Variants in CNTN4 observed in about 807,000 individuals in gnomAD.
CNTN4 encodes the protein contactin-4.
A neutral mutation model predicts 122.5 loss-of-function variants in CNTN4; 77 were observed. That is an observed-to-expected ratio of 0.63 (90% CI 0.52 to 0.76). The LOEUF (loss-of-function observed/expected upper bound fraction) is 0.76. Ranked by LOEUF, CNTN4 falls within the 30% of genes least tolerant of loss-of-function variation. CNTN4 has a pLI of 0.00. For missense variants in CNTN4, 1,256 were observed against 1,259.1 expected, an observed-to-expected ratio of 1.00 and a Z score of 0.04; for synonymous variants, 512 against 447.0, an observed-to-expected ratio of 1.15 and a Z score of -1.83.
intron 13 of CNTN4, among the ~76,000 whole-genome samples, chr3:2,971,368 C>CTATCTATA (rs1553711412): frequency 2.2e-5 from 3 of 139,476 alleles, no homozygotes; most frequent in Admixed American, 7.0e-5. Flanking sequence ...ATCTATCTAT[C>CTATCTATA]TATATATATA....
intron 2 of CNTN4, among the ~76,000 whole-genome samples, chr3:2,110,904 G>T (rs2032900872): frequency 6.6e-6 from 1 of 152,122 alleles, no homozygotes; most frequent in South Asian, 2.1e-4. Context: ...ATGTATTTGT[G>T]ATATGCTTGG....
chr3:2,901,427 A>C (rs769904064), intron 11 of CNTN4, among the ~76,000 whole-genome samples: 2 of 152,098 alleles, frequency 1.3e-5, no homozygotes, highest in Non-Finnish European at 2.9e-5. Flanking sequence ...AATGGCCCTC[A>C]CATGAATTTA....
At chr3:2,293,988 C>T (rs2150016434) in intron 2 of CNTN4, among the ~76,000 whole-genome samples, 1 of 152,280 alleles carries the variant, frequency 6.6e-6, no homozygotes, top group East Asian at 1.9e-4. Flanking sequence ...CATGGATGGT[C>T]AGCTCTGTTT....
At chr3:2,509,119 C>CT (rs1408529255) in intron 3 of CNTN4, among the ~76,000 whole-genome samples, 12 of 152,208 alleles carry the variant, frequency 7.9e-5, no homozygotes, top group Non-Finnish European at 1.5e-5. Flanking sequence ...ACTATTTCGG[C>CT]TGTACCACTG....
At chr3:2,275,003 T>C (rs568242068) in intron 2 of CNTN4, among the ~76,000 whole-genome samples, 7 of 152,322 alleles carry the variant, frequency 4.6e-5, no homozygotes, top group Admixed American at 1.3e-4. Flanking sequence ...TCTGACTGGA[T>C]AAACTACTCC....
At chr3:2,922,726 C>T (rs959832592) in intron 12 of CNTN4, among the ~76,000 whole-genome samples, 8 of 148,286 alleles carry the variant, frequency 5.4e-5, no homozygotes, top group African/African-American at 2.0e-4. Flanking sequence ...GCTTCTTATG[C>T]CTCAGCCTCC....
chr3:3,039,518 T>A (rs1325027402), intron 19 of CNTN4: 3 of 175,750 alleles, frequency 1.7e-5, no homozygotes, highest in Non-Finnish European at 3.7e-5. Flanking sequence ...CTTCATGTTT[T>A]TGAAAGATTC....
chr3:2,770,052 C>T (rs1469243589), intron 6 of CNTN4, among the ~76,000 whole-genome samples: 11 of 147,110 alleles, frequency 7.5e-5, no homozygotes, highest in African/African-American at 2.0e-4. Context: ...TTTTTTGAGA[C>T]GAAGTGTCAC....
At chr3:2,239,091 A>G (rs2039823149) in intron 2 of CNTN4, 1 of 151,972 alleles carries the variant, frequency 6.6e-6, no homozygotes, top group South Asian at 2.1e-4. Context: ...AATACCTTTT[A>G]ATTTTGTGCA....
At position 2,841,991 on chromosome 3, in the gene CNTN4, T is replaced by C. The variant is rs1432743242; in HGVS notation, c.454+22410T>C. Reference sequence around the variant, plus strand: ...AAATAAATAAATAAATGAAGCTAGCTGCCCCCATTTTTTTCAAGAACATGT... The same window carrying C: ...AAATAAATAAATAAATGAAGCTAGCCGCCCCCATTTTTTTCAAGAACATGT... On this transcript the variant is annotated intron_variant, in intron 7 of 24. Coordinates refer to ENST00000418658, the MANE Select transcript of CNTN4 (RefSeq NM_175607.3). The surrounding 1 kb of genome is among the most constrained non-coding windows in gnomAD (Gnocchi z 4.8). Among the ~76,000 whole-genome samples the C allele has an allele frequency of 2.0e-5, 3 of 152,238 alleles. No individual in the cohort carries two copies. In the East Asian group the frequency reaches 5.8e-4, roughly 29 times the overall value.
intron 13 of CNTN4, among the ~76,000 whole-genome samples, chr3:2,973,723 G>A (rs1200302354): frequency 6.6e-6 from 1 of 152,012 alleles, no homozygotes; most frequent in Non-Finnish European, 1.5e-5. Flanking sequence ...AGATGGATAC[G>A]ACCTGGGATT....
At chr3:2,766,341 C>A (rs1455687602) in intron 6 of CNTN4, among the ~76,000 whole-genome samples, 1 of 152,168 alleles carries the variant, frequency 6.6e-6, no homozygotes, top group African/African-American at 2.4e-5. Flanking sequence ...TCAGGCTAGT[C>A]CAAATGACCA....
intron 4 of CNTN4, among the ~76,000 whole-genome samples, chr3:2,708,700 A>G (rs1308471854): frequency 1.3e-5 from 2 of 150,310 alleles, no homozygotes; most frequent in African/African-American, 4.9e-5. Flanking sequence ...GAGCACGTCC[A>G]TGCACGCAGG....
chr3:2,228,134 A>G (rs2039354415), intron 2 of CNTN4, among the ~76,000 whole-genome samples: 1 of 152,098 alleles, frequency 6.6e-6, no homozygotes, highest in Non-Finnish European at 1.5e-5. Context: ...TCAAAAATAA[A>G]TTGGCCAAAT....
At chr3:2,740,684 T>C (rs1341864444) in intron 5 of CNTN4, among the ~76,000 whole-genome samples, 1 of 152,020 alleles carries the variant, frequency 6.6e-6, no homozygotes, top group Non-Finnish European at 1.5e-5. Flanking sequence ...TATCTAATAT[T>C]ATGTAAAAAA....
At chr3:2,876,268 A>G (rs1037535440) in intron 8 of CNTN4, among the ~76,000 whole-genome samples, 1 of 152,192 alleles carries the variant, frequency 6.6e-6, no homozygotes, top group Non-Finnish European at 1.5e-5. Flanking sequence ...TAACTTGGAC[A>G]GTCCACTAGA....
At chr3:2,148,996 A>C (rs562973696) in intron 2 of CNTN4, among the ~76,000 whole-genome samples, 2 of 151,176 alleles carry the variant, frequency 1.3e-5, no homozygotes, top group South Asian at 4.2e-4. Flanking sequence ...CTAAGGAGTA[A>C]ATCTATTCTC....
chr3:2,930,682 C>G (rs2094512433), intron 13 of CNTN4, among the ~76,000 whole-genome samples: 1 of 152,160 alleles, frequency 6.6e-6, no homozygotes, highest in Non-Finnish European at 1.5e-5. Flanking sequence ...CTACAGTCTG[C>G]ATGTCGCAGG....
chr3:2,990,481 A>G (rs938552341), intron 14 of CNTN4, among the ~76,000 whole-genome samples: 2 of 152,330 alleles, frequency 1.3e-5, no homozygotes, highest in East Asian at 3.9e-4. Context: ...TTTCACAGGT[A>G]GGAACAAGGT....
Sources: gnomAD v4.1 joint callset for allele counts (sites outside exome capture counted in the v4.1 genomes callset) on GRCh38, gnomAD v4.1.1 for gene constraint, Gnocchi (gnomAD v3.1) non-coding constraint, MANE v1.5 for transcripts, NCBI Gene and HGNC (gene_info 2026-07-23, HGNC 2026-07-21) for gene names.